Variants in CFAP47 observed in about 807,000 individuals in gnomAD.
CFAP47 encodes cilia and flagella associated protein 47, also known as cilia- and flagella-associated protein 47.
A neutral mutation model predicts 148.1 loss-of-function variants in CFAP47; 29 were observed. That is an observed-to-expected ratio of 0.20 (90% CI 0.15 to 0.27). CFAP47 has a LOEUF of 0.27. Ranked by LOEUF, CFAP47 falls within the 10% of genes least tolerant of loss-of-function variation. CFAP47 has a pLI of 1.00. For missense variants in CFAP47, 1,872 were observed against 1,697.5 expected, an observed-to-expected ratio of 1.10 and a Z score of -1.81; for synonymous variants, 664 against 577.3, an observed-to-expected ratio of 1.15 and a Z score of -2.15.
intron 2 of CFAP47, among the ~76,000 whole-genome samples, chrX:35,940,895 A>G (rs1334580638): frequency 8.9e-6 from 1 of 111,778 alleles, no homozygotes; most frequent in Non-Finnish European, 1.9e-5. Flanking sequence ...TTAGAAATAC[A>G]TATGGAAAAT....
chrX:35,995,497 G>T (rs1335354392), intron 18 of CFAP47, among the ~76,000 whole-genome samples: 1 of 111,353 alleles, frequency 9.0e-6, no homozygotes, highest in Non-Finnish European at 1.9e-5. Context: ...AAGAGAAACT[G>T]GTGAGAAACT....
intron 59 of CFAP47, among the ~76,000 whole-genome samples, chrX:36,350,424 A>T (rs1022633078): frequency 1.8e-5 from 2 of 111,146 alleles, no homozygotes; most frequent in Admixed American, 9.6e-5. Context: ...GATTTGTAAG[A>T]TTCTCAGGTA....
chrX:36,272,190 C>G (rs1435588212), intron 49 of CFAP47, among the ~76,000 whole-genome samples: 1 of 111,886 alleles, frequency 8.9e-6, no homozygotes, highest in Non-Finnish European at 1.9e-5. Flanking sequence ...GATTCTGAAG[C>G]ATTTCTTCAA....
intron 50 of CFAP47, among the ~76,000 whole-genome samples, chrX:36,282,038 A>C (rs1476248015): frequency 9.0e-6 from 1 of 111,388 alleles, no homozygotes; most frequent in Non-Finnish European, 1.9e-5. Flanking sequence ...GGTCAATAGA[A>C]AAAAAAAGAA....
chrX:36,002,685 C>G (rs1936930248), intron 21 of CFAP47, among the ~76,000 whole-genome samples: 1 of 111,478 alleles, frequency 9.0e-6, no homozygotes, highest in South Asian at 3.8e-4. Flanking sequence ...GTATAAGATT[C>G]TTATGTCAAA....
chrX:36,159,154 A>T (rs750209889), intron 37 of CFAP47, among the ~76,000 whole-genome samples: 3 of 112,070 alleles, frequency 2.7e-5, no homozygotes, highest in Admixed American at 9.5e-5. Flanking sequence ...AATTTCCCTC[A>T]AAACAATTCA....
chrX:35,944,654 T>C (rs928948528), intron 3 of CFAP47, among the ~76,000 whole-genome samples: 1 of 112,142 alleles, frequency 8.9e-6, no homozygotes, highest in African/African-American at 3.2e-5. Flanking sequence ...TTACCCTGGC[T>C]TGATCTTACA....
chrX:36,370,417 G>A (rs1383559573), intron 62 of CFAP47, among the ~76,000 whole-genome samples: 3 of 110,339 alleles, frequency 2.7e-5, no homozygotes, highest in Non-Finnish European at 5.7e-5. Flanking sequence ...TCCCTGCAAA[G>A]GACATGAACT....
chrX:35,966,842 C>G (rs1936415110), intron 9 of CFAP47, 88 bp downstream of exon 9: 2 of 653,790 alleles, frequency 3.1e-6, no homozygotes, highest in Non-Finnish European at 2.2e-6. Context: ...TAATTACACA[C>G]GCACATATAT....
chrX:36,350,441 C>T (rs1237575309), intron 59 of CFAP47, among the ~76,000 whole-genome samples: 1 of 111,095 alleles, frequency 9.0e-6, no homozygotes, highest in African/African-American at 3.3e-5. Flanking sequence ...GGTATACTTG[C>T]TCTCAGGTCA....
intron 6 of CFAP47, among the ~76,000 whole-genome samples, chrX:35,952,470 C>A (rs936627142): frequency 2.7e-4 from 30 of 112,072 alleles, no homozygotes; most frequent in Middle Eastern, 9.3e-3. Flanking sequence ...TTCATAATTC[C>A]ATGAACTTTG....
intron 29 of CFAP47, among the ~76,000 whole-genome samples, chrX:36,082,179 C>T (rs1005458278): frequency 9.0e-5 from 10 of 111,322 alleles, no homozygotes; most frequent in Middle Eastern, 4.3e-3. Flanking sequence ...CCCTTTTCTC[C>T]GCATCTTCTC....
intron 30 of CFAP47, among the ~76,000 whole-genome samples, chrX:36,091,584 G>T (rs1187744301): frequency 9.0e-6 from 1 of 111,095 alleles, no homozygotes; most frequent in African/African-American, 3.3e-5. Flanking sequence ...ATGTGCATGA[G>T]GACAGGAATT....
chrX:36,371,936 A>G lies in CFAP47; in HGVS notation c.9185+4809A>G, dbSNP rs192707419. Among the ~76,000 whole-genome samples, 12 of 96,711 alleles carry G rather than the reference A, an allele frequency of 1.2e-4. No homozygotes were observed. The East Asian group carries it at 4.1e-3, about 33-fold the overall frequency. 84.0% of individuals were successfully genotyped at this position (96,711 alleles called of 115,157 possible). A position where few individuals can be genotyped will look rare whatever the true frequency, so the allele number is the denominator to read the frequency against. ...TGTGTATATATGTGTATATACACAC[A>G]TGTGTATATGTGTGTGTATATATAC... On this transcript the variant is annotated intron_variant, in intron 62 of 63. Transcript: ENST00000378653.
chrX:36,290,714 A>G (rs1941184702), intron 51 of CFAP47, among the ~76,000 whole-genome samples: 2 of 112,352 alleles, frequency 1.8e-5, no homozygotes, highest in African/African-American at 6.5e-5. Context: ...CTCCCCATCA[A>G]ATTTCATGTA....
intron 35 of CFAP47, among the ~76,000 whole-genome samples, chrX:36,141,799 C>CT (rs111964814): frequency 0.1 from 11,652 of 111,454 alleles, 1,207 homozygotes; most frequent in African/African-American, 0.32. Context: ...TCTTGACCTA[C>CT]AGAGTGTTTT....
chrX:36,161,237 A>G (rs190337899), intron 39 of CFAP47, among the ~76,000 whole-genome samples: 91 of 111,877 alleles, frequency 8.1e-4, no homozygotes, highest in African/African-American at 2.7e-3. Context: ...ATCAGAAAAA[A>G]TTAAACAGCT....
intron 3 of CFAP47, among the ~76,000 whole-genome samples, chrX:35,947,521 C>T (rs1035385131): frequency 2.8e-5 from 3 of 108,775 alleles, no homozygotes; most frequent in Non-Finnish European, 3.8e-5. Context: ...CCTAGATGCA[C>T]TTCTACCATG....
At chrX:36,237,331 ATTTAT>A (rs1193290059) in intron 48 of CFAP47, among the ~76,000 whole-genome samples, 1 of 111,108 alleles carries the variant, frequency 9.0e-6, no homozygotes, top group Non-Finnish European at 1.9e-5. Context: ...TTTAGGTTTT[ATTTAT>A]TTTATTTTAT....
Sources: gnomAD v4.1 joint callset for allele counts (sites outside exome capture counted in the v4.1 genomes callset) on GRCh38, gnomAD v4.1.1 for gene constraint, MANE v1.5 for transcripts, NCBI Gene and HGNC (gene_info 2026-07-23, HGNC 2026-07-21) for gene names.